The following TGM7 variants were observed in gnomAD, a reference collection of about 807,000 sequenced individuals.
TGM7 encodes transglutaminase 7, also known as protein-glutamine gamma-glutamyltransferase Z.
A neutral mutation model predicts 79.5 loss-of-function variants in TGM7; 74 were observed. That is an observed-to-expected ratio of 0.93 (90% CI 0.77 to 1.13). TGM7 has a LOEUF of 1.13. Ranked by LOEUF, TGM7 falls within the 50% of genes most tolerant of loss-of-function variation. TGM7 has a pLI of 0.00. For missense variants in TGM7, 912 were observed against 905.9 expected (o/e 1.01, Z -0.09); for synonymous variants, 354 against 362.5 (o/e 0.98, Z 0.27).
At chr15:43,291,101 T>C (rs568917138) in intron 4 of TGM7, among the ~76,000 whole-genome samples, 1 of 152,340 alleles carries the variant, frequency 6.6e-6, no homozygotes, top group South Asian at 2.1e-4. Flanking sequence ...CAACACTATG[T>C]TAAATAGGAG....
intron 4 of TGM7, among the ~76,000 whole-genome samples, chr15:43,291,104 A>G (rs2042961549): frequency 6.6e-6 from 1 of 152,172 alleles, no homozygotes; most frequent in African/African-American, 2.4e-5. Flanking sequence ...CACTATGTTA[A>G]ATAGGAGTGG....
chr15:43,292,407 C>A (rs1416441737), intron 3 of TGM7, among the ~76,000 whole-genome samples: 1 of 152,190 alleles, frequency 6.6e-6, no homozygotes, highest in Admixed American at 6.5e-5. Context: ...AAACTGCTCA[C>A]TCCCACTACT....
At chr15:43,289,542 A>T (rs1312899267) in intron 4 of TGM7, among the ~76,000 whole-genome samples, 4 of 152,142 alleles carry the variant, frequency 2.6e-5, no homozygotes, top group Non-Finnish European at 2.9e-5. Flanking sequence ...ATGTGTCTTT[A>T]TAGCAGCATG....
chr15:43,285,133 T>C (rs1259236491), intron 6 of TGM7, among the ~76,000 whole-genome samples, 181 bp from the exon 7 acceptor site: 3 of 152,178 alleles, frequency 2.0e-5, no homozygotes, highest in Admixed American at 2.0e-4. Context: ...GCCCCATCAG[T>C]GATCAACATC....
intron 7 of TGM7, among the ~76,000 whole-genome samples, chr15:43,284,226 C>G (rs1460501757): frequency 2.0e-5 from 3 of 152,064 alleles, no homozygotes; most frequent in Non-Finnish European, 4.4e-5. Flanking sequence ...CACAGCGAGT[C>G]TTATCTGGAA....
intron 9 of TGM7, among the ~76,000 whole-genome samples, chr15:43,280,548 A>G (rs1029302977): frequency 3.9e-5 from 6 of 152,034 alleles, no homozygotes; most frequent in Non-Finnish European, 8.8e-5. Context: ...GCTTGAACCC[A>G]GGAGGTGGAG....
chr15:43,287,397 C>T lies in TGM7; in HGVS notation c.748G>A (p.Gly250Arg). 1.2e-6 allele frequency: 2 copies of T among 1,614,124 alleles called. No homozygotes were observed. Among genetic ancestry groups the T allele is most frequent in the Non-Finnish European group, 1.7e-6 (2 of 1,180,004 alleles). The change falls in exon 6 of 13, where the codon GGG becomes AGG. Residue 250 changes from glycine (G) to arginine (R), a missense_variant. Physicochemically the swap from Gly to Arg is moderately radical, Grantham distance 125 (BLOSUM62 -2). Coordinates refer to ENST00000452443, the MANE Select transcript of TGM7 (RefSeq NM_052955.3). ...CCCTTCCACTCCAGAGGACTGACCC[C>T]TTTGGAGTAGTCCTCGCCCCAGTTC... Reference protein sequence around the residue: ...QGNWGEDYSKGVSPLEWKGSV... With the variant: ...QGNWGEDYSKRVSPLEWKGSV...
rs1413568292 is a variant in TGM7, at chr15:43,279,234, G to A, written c.1722C>T (p.Asn574=). ...GGATGAGCTTTTCGTCCGTTAGCTTGTTTCTGTAATTGCTGTAGGGCAGGA... is the reference window on the plus strand; with the variant it reads ...GGATGAGCTTTTCGTCCGTTAGCTTATTTCTGTAATTGCTGTAGGGCAGGA... The part of the protein sequence containing the change: ...PLLLPYSNYR[N]KLTDEKLIRV... The change falls in exon 11 of 13, where the codon AAC becomes AAT. Residue 574 remains asparagine (N), a synonymous_variant. Coordinates refer to ENST00000452443, the MANE Select transcript of TGM7 (RefSeq NM_052955.3). 3 of 1,614,172 alleles carry A rather than the reference G, an allele frequency of 1.9e-6. No homozygotes were observed. Among genetic ancestry groups the A allele is most frequent in the Admixed American group, 3.3e-5 (2 of 60,018 alleles).
At chr15:43,300,660 G>A (rs550199333) in intron 1 of TGM7, among the ~76,000 whole-genome samples, 1 of 152,270 alleles carries the variant, frequency 6.6e-6, no homozygotes, top group African/African-American at 2.4e-5. Context: ...AATTAGCCAG[G>A]CGTGGTAGCG....
intron 4 of TGM7, among the ~76,000 whole-genome samples, chr15:43,289,010 T>TA (rs1040561190): frequency 6.6e-5 from 10 of 150,550 alleles, no homozygotes; most frequent in African/African-American, 2.4e-4. Context: ...GCTTTTTCTG[T>TA]AAAAAACCAA....
intron 1 of TGM7, among the ~76,000 whole-genome samples, chr15:43,296,219 A>T (rs1343167114): frequency 6.6e-6 from 1 of 152,048 alleles, no homozygotes; most frequent in Non-Finnish European, 1.5e-5. Context: ...AGGTCAGGAG[A>T]TTGAGACCAT....
chr15:43,294,535 T>A (rs1003273163), intron 1 of TGM7, among the ~76,000 whole-genome samples: 1 of 152,234 alleles, frequency 6.6e-6, no homozygotes, highest in Non-Finnish European at 1.5e-5. Flanking sequence ...GACCTTGGCG[T>A]TGTGCCAGGT....
In TGM7 at chr15:43,287,278, A is replaced by C. The variant is rs774203604; in HGVS notation, c.865+2T>G. On this transcript the variant is annotated splice_donor_variant, in intron 6 of 12. Transcript: ENST00000452443. LOFTEE classifies it high-confidence loss of function. ...CCCCTAAGTGAGTGATCTTTCGCTC[A>C]CCGGTGCACATAACAGAGGCGAAGA... 3 of 1,612,250 alleles carry C rather than the reference A, an allele frequency of 1.9e-6. No homozygotes were observed. Among genetic ancestry groups the C allele is most frequent in the Non-Finnish European group, 2.5e-6 (3 of 1,179,676 alleles).
chr15:43,287,465 G>A lies in TGM7; in HGVS notation c.688-8C>T, dbSNP rs2042941475. 2 of 1,613,740 alleles carry A rather than the reference G, an allele frequency of 1.2e-6. No individual in the cohort carries two copies. Among genetic ancestry groups the A allele is most frequent in the Non-Finnish European group, 1.7e-6 (2 of 1,179,726 alleles). ...GTCATCGTTGCTGTTGATCTGCAGA[G>A]GACAGACAGGTGGGTTTCCACAGCT... On this transcript the variant is annotated splice_polypyrimidine_tract_variant and splice_region_variant and intron_variant, in intron 5 of 12. Transcript: ENST00000452443.
chr15:43,286,181 A>G (rs558118299), intron 6 of TGM7, among the ~76,000 whole-genome samples: 1 of 152,252 alleles, frequency 6.6e-6, no homozygotes, highest in African/African-American at 2.4e-5. Flanking sequence ...ACAGATCCTT[A>G]GCAGGCGTGG....
Position 43,292,869 on chromosome 15 carries a change from A to T in TGM7, c.279T>A (p.Asp93Glu). 2.5e-6 allele frequency: 4 copies of T among 1,614,040 alleles called. No individual in the cohort carries two copies. Among genetic ancestry groups the T allele is most frequent in the Non-Finnish European group, 3.4e-6 (4 of 1,180,022 alleles). ...VQPGNVWSAS[D>E]FTIDSNSLQV... ...GGAGAGAGTTGGAGTCAATGGTGAAATCAGAAGCGCTCCAGACATTCCCGG... is the reference window on the plus strand; with the variant it reads ...GGAGAGAGTTGGAGTCAATGGTGAATTCAGAAGCGCTCCAGACATTCCCGG... Residue 93 changes from aspartate to glutamate, a missense_variant, in exon 3 of 13, where the codon GAT becomes GAA. Asp to Glu is a conservative substitution (Grantham distance 45). Coordinates refer to ENST00000452443, the MANE Select transcript of TGM7 (RefSeq NM_052955.3).
chr15:43,298,130 G>A (rs927187362), intron 1 of TGM7, among the ~76,000 whole-genome samples: 1 of 152,246 alleles, frequency 6.6e-6, no homozygotes, highest in Non-Finnish European at 1.5e-5. Flanking sequence ...GCTGGGTGGA[G>A]ATAGGATCAA....
intron 1 of TGM7, among the ~76,000 whole-genome samples, chr15:43,296,605 C>T (rs1392453193): frequency 1.3e-5 from 2 of 152,044 alleles, no homozygotes; most frequent in African/African-American, 4.8e-5. Context: ...CCAAAAGAGA[C>T]AGGGACACAC....
intron 1 of TGM7, 65 bp from the exon 2 acceptor site, chr15:43,293,696 G>A: frequency 1.5e-6 from 2 of 1,306,216 alleles, no homozygotes; most frequent in African/African-American, 3.2e-5. Flanking sequence ...ATCCCTTGTG[G>A]CTTCTCAGTC....
Sources: gnomAD v4.1 joint callset for allele counts (sites outside exome capture counted in the v4.1 genomes callset) on GRCh38, gnomAD v4.1.1 for gene constraint, MANE v1.5 for transcripts, NCBI Gene and HGNC (gene_info 2026-07-23, HGNC 2026-07-21) for gene names.